The following STK39 variants were observed in gnomAD, a reference collection of about 807,000 sequenced individuals.
The protein encoded by STK39 is STE20/SPS1-related proline-alanine-rich protein kinase.
Under a neutral mutation model 77.8 loss-of-function variants are expected in STK39, and 20 were observed. The ratio of observed to expected loss-of-function variants is 0.26; its 90% CI spans 0.18 to 0.37. The LOEUF is 0.37. Ranked by LOEUF, STK39 falls within the 10% of genes least tolerant of loss-of-function variation. The probability of loss-of-function intolerance (pLI) is 1.00; values close to 1 mark genes in which losing one functional copy is unlikely to be tolerated. For synonymous variants in STK39, 246 were observed against 234.1 expected (o/e 1.05, Z -0.47); for missense variants, 479 against 656.5 (o/e 0.73, Z 2.95).
chr2:167,984,581 T>C (rs1166886968), intron 16 of STK39, among the ~76,000 whole-genome samples: 1 of 152,148 alleles, frequency 6.6e-6, no homozygotes, highest in East Asian at 1.9e-4. Context: ...GCACAGACAT[T>C]CTATCATAGA....
intron 5 of STK39, among the ~76,000 whole-genome samples, chr2:168,160,244 A>G (rs1186977559): frequency 1.3e-5 from 2 of 152,236 alleles, no homozygotes; most frequent in East Asian, 3.8e-4. Context: ...TTTCATCATA[A>G]AACAGAAAAT....
chr2:168,069,831 G>T (rs988764846), intron 12 of STK39, among the ~76,000 whole-genome samples: 14 of 152,164 alleles, frequency 9.2e-5, no homozygotes, highest in African/African-American at 3.4e-4. Context: ...CCAGGGTTGT[G>T]AACTGTTTAT....
At chr2:168,143,557 A>T (rs1430284363) in intron 5 of STK39, among the ~76,000 whole-genome samples, 1 of 152,188 alleles carries the variant, frequency 6.6e-6, no homozygotes, top group Non-Finnish European at 1.5e-5. Context: ...CTAAAAAAAT[A>T]CAAAAAATCA....
chr2:167,977,660 T>C (rs1267142588), intron 16 of STK39, among the ~76,000 whole-genome samples: 1 of 152,010 alleles, frequency 6.6e-6, no homozygotes, highest in Non-Finnish European at 1.5e-5. Flanking sequence ...GAGTAAGGAT[T>C]CTATAGGTGT....
intron 16 of STK39, among the ~76,000 whole-genome samples, chr2:168,007,394 T>C (rs189308486): frequency 6.6e-6 from 1 of 152,330 alleles, no homozygotes; most frequent in African/African-American, 2.4e-5. Context: ...CAAATGTTTA[T>C]GGAGGGCCTA....
At chr2:168,026,809 C>T (rs1178492910) in intron 14 of STK39, among the ~76,000 whole-genome samples, 2 of 152,162 alleles carry the variant, frequency 1.3e-5, no homozygotes, top group African/African-American at 4.8e-5. Flanking sequence ...GTCAATATGA[C>T]ACAATGTTAC....
chr2:168,033,609 A>G (rs1174804367), intron 14 of STK39, among the ~76,000 whole-genome samples: 3 of 152,088 alleles, frequency 2.0e-5, no homozygotes, highest in African/African-American at 7.2e-5. Flanking sequence ...TGTACAATAC[A>G]CTTATTTTAT....
intron 1 of STK39, chr2:168,231,863 C>T: frequency 1.3e-5 from 3 of 231,166 alleles, no homozygotes; most frequent in Non-Finnish European, 2.9e-5. Flanking sequence ...TAATAGTAGG[C>T]ATCTTTTCTG....
chr2:168,144,531 G>A (rs1688081599), intron 5 of STK39, among the ~76,000 whole-genome samples: 1 of 151,592 alleles, frequency 6.6e-6, no homozygotes, highest in Non-Finnish European at 1.5e-5. Flanking sequence ...TTCTCAAACT[G>A]TTGAGCTCAA....
intron 14 of STK39, among the ~76,000 whole-genome samples, chr2:168,055,537 T>C (rs1454016504): frequency 1.3e-5 from 2 of 152,238 alleles, no homozygotes; most frequent in African/African-American, 4.8e-5. Context: ...CAAGGTCCAA[T>C]GATACTGCTA....
At chr2:168,037,277 T>C (rs1300254357) in intron 14 of STK39, among the ~76,000 whole-genome samples, 4 of 152,184 alleles carry the variant, frequency 2.6e-5, no homozygotes, top group African/African-American at 9.7e-5. Flanking sequence ...TTAGCAAAGA[T>C]TACAAAATGA....
intron 1 of STK39, among the ~76,000 whole-genome samples, chr2:168,209,660 G>T (rs1031925752): frequency 6.6e-6 from 1 of 151,532 alleles, no homozygotes. Context: ...AGCCTGGGGC[G>T]ACAAGAGCAA....
intron 1 of STK39, among the ~76,000 whole-genome samples, chr2:168,209,192 CAT>C (rs1689818782): frequency 6.6e-6 from 1 of 152,108 alleles, no homozygotes; most frequent in African/African-American, 2.4e-5. Context: ...GAAGCAGTCT[CAT>C]AAATTTTTAC....
At chr2:168,229,644 C>A (rs879842576) in intron 1 of STK39, among the ~76,000 whole-genome samples, 5 of 152,168 alleles carry the variant, frequency 3.3e-5, no homozygotes, top group Non-Finnish European at 7.4e-5. Context: ...AAGCAAAAAT[C>A]TACCTTTAAA....
At chr2:168,179,791 G>A (rs10183957) in intron 2 of STK39, among the ~76,000 whole-genome samples, 49,402 of 151,856 alleles carry the variant, frequency 0.33, 8,573 homozygotes, top group Non-Finnish European at 0.39. Context: ...AAACCAGAAT[G>A]ACCAGCCTCC....
chr2:168,101,205 C>T lies in STK39; in HGVS notation c.1090-25974G>A, dbSNP rs570114434. Among the ~76,000 whole-genome samples the T allele has an allele frequency of 8.6e-5, 13 of 151,930 alleles. No individual in the cohort carries two copies. In the South Asian group the frequency reaches 1.0e-3, roughly 12 times the overall value. On this transcript the variant is annotated intron_variant, in intron 10 of 17. Transcript: ENST00000355999. ...GGGAACATCACACACCAGGGCTTGTCGGGGGTTAGGGGCAAGGGGAGGGAT... is the reference window on the plus strand; with the variant it reads ...GGGAACATCACACACCAGGGCTTGTTGGGGGTTAGGGGCAAGGGGAGGGAT...
intron 10 of STK39, among the ~76,000 whole-genome samples, chr2:168,115,998 G>T (rs557124829): frequency 3.3e-4 from 50 of 152,338 alleles, no homozygotes; most frequent in African/African-American, 1.2e-3. Flanking sequence ...GCACTGGGGA[G>T]CTCAGCTGCC....
intron 14 of STK39, among the ~76,000 whole-genome samples, chr2:168,052,479 A>C (rs1040142034): frequency 6.6e-6 from 1 of 152,232 alleles, no homozygotes; most frequent in East Asian, 1.9e-4. Flanking sequence ...GAAAAAAAGC[A>C]ATCTAGCAAA....
chr2:168,066,186 C>G (rs3769417), intron 12 of STK39, among the ~76,000 whole-genome samples: 73,896 of 152,022 alleles, frequency 0.49, 19,268 homozygotes, highest in Non-Finnish European at 0.56. Flanking sequence ...AATTCTTACT[C>G]TCCATGCTTC....
Sources: allele counts gnomAD v4.1 joint callset (sites outside exome capture counted in the v4.1 genomes callset), GRCh38; gene constraint gnomAD v4.1.1; transcripts MANE v1.5; gene names NCBI Gene and HGNC (gene_info 2026-07-23, HGNC 2026-07-21).